Variants in SEC62 observed in about 807,000 individuals in gnomAD.
The protein encoded by SEC62 is SEC62 preprotein translocation factor, also known as translocation protein SEC62.
A neutral mutation model predicts 47.5 loss-of-function variants in SEC62; 10 were observed. That is an observed-to-expected ratio of 0.21 (90% CI 0.13 to 0.36). SEC62 has a LOEUF of 0.36. SEC62 is among the 10% of genes least tolerant of loss of function. The pLI is 1.00. For missense variants in SEC62, 327 were observed against 464.1 expected, an observed-to-expected ratio of 0.70 and a Z score of 2.71; for synonymous variants, 136 against 150.5, an observed-to-expected ratio of 0.90 and a Z score of 0.71.
intron 1 of SEC62, among the ~76,000 whole-genome samples, chr3:169,975,223 G>C (rs923254776): frequency 6.7e-6 from 1 of 149,486 alleles, no homozygotes; most frequent in African/African-American, 2.5e-5. Context: ...AGAGGTTGCA[G>C]TGAGCCGAGA....
intron 1 of SEC62, 63 bp from the exon 2 acceptor site, chr3:169,975,545 A>G: frequency 9.6e-7 from 1 of 1,045,426 alleles, no homozygotes; most frequent in Non-Finnish European, 1.5e-6. Context: ...TTTGTAAATT[A>G]TTATTCAGCG....
chr3:169,988,926 A>G (rs944175718), intron 7 of SEC62, among the ~76,000 whole-genome samples: 2 of 152,146 alleles, frequency 1.3e-5, no homozygotes, highest in African/African-American at 4.8e-5. Flanking sequence ...TAATCTATGC[A>G]TATATTTAAT....
intron 1 of SEC62, among the ~76,000 whole-genome samples, chr3:169,974,904 C>T (rs1353517296): frequency 1.3e-5 from 2 of 152,112 alleles, no homozygotes; most frequent in Non-Finnish European, 2.9e-5. Context: ...TTATTTATGA[C>T]ACTTGTTTCT....
intron 1 of SEC62, among the ~76,000 whole-genome samples, chr3:169,972,580 CTTTTTTTT>C (rs11391826): frequency 8.7e-6 from 1 of 114,960 alleles, no homozygotes; most frequent in African/African-American, 3.3e-5. Context: ...CTTTTTCTAT[CTTTTTTTT>C]TTTTTTTTTT....
In SEC62 at chr3:169,994,970, T is replaced by G. The variant is rs940871757; in HGVS notation, c.*1907T>G. 6.6e-6 allele frequency: 1 copy of G among 152,146 alleles called. No individual in the cohort carries two copies. The highest frequency in any genetic ancestry group is 1.5e-5 in the Non-Finnish European group (1 of 67,994). 9.4% of individuals were successfully genotyped at this position (152,146 alleles called of 1,614,324 possible). A position where few individuals can be genotyped will look rare whatever the true frequency, so the allele number is the denominator to read the frequency against. ...ATTTTTATAAATATTTGGTGATCCC[T>G]GGGGGGAAATATCATTCTTACTATG... On this transcript the variant is annotated 3_prime_UTR_variant, in exon 8 of 8. Coordinates refer to ENST00000337002, the MANE Select transcript of SEC62 (RefSeq NM_003262.4).
rs1715362365 is a variant in SEC62 at position 169,995,883 on chromosome 3, C to T, written c.*2820C>T. 2 of 152,118 alleles carry T rather than the reference C, an allele frequency of 1.3e-5. No individual in the cohort carries two copies. The highest frequency in any genetic ancestry group is 4.8e-5 in the African/African-American group (2 of 41,416). 9.4% of individuals were successfully genotyped at this position (152,118 alleles called of 1,614,324 possible). On this transcript the variant is annotated 3_prime_UTR_variant, in exon 8 of 8. Transcript: ENST00000337002. ...GAAGTCATGACCAACAACACTGTAACTCATGCCTGAATGAAGCTTATCTGA... is the reference window on the plus strand; with the variant it reads ...GAAGTCATGACCAACAACACTGTAATTCATGCCTGAATGAAGCTTATCTGA...
In SEC62 at chr3:169,966,853, A is replaced by G. The variant is rs1461540335; in HGVS notation, c.31A>G (p.Ile11Val). ...GGAACGCAGGAGACACAAGAAGCGG[A>G]TCCAGGTAGCAAAGCCGAGCTCTGG... is the stretch of plus-strand genomic sequence containing the variant. MAERRRHKKRIQEVGEPSKEE... is the reference protein window; with the variant it reads MAERRRHKKRVQEVGEPSKEE... Residue 11 changes from isoleucine to valine, a missense_variant, in exon 1 of 8, where the codon ATC (isoleucine) becomes GTC (valine). Transcript: ENST00000337002. 1.5e-5 allele frequency: 23 copies of G among 1,556,236 alleles called. No individual in the cohort carries two copies. Among genetic ancestry groups the G allele is most frequent in the Non-Finnish European group, 1.8e-5 (21 of 1,149,804 alleles).
chr3:169,990,473 C>T (rs1715219539), intron 7 of SEC62, among the ~76,000 whole-genome samples: 1 of 152,038 alleles, frequency 6.6e-6, no homozygotes, highest in African/African-American at 2.4e-5. Context: ...TCTCGGTAAT[C>T]TAGTGCCACA....
At chr3:169,986,605 A>G (rs1177069463) in intron 6 of SEC62, among the ~76,000 whole-genome samples, 1 of 152,226 alleles carries the variant, frequency 6.6e-6, no homozygotes, top group Non-Finnish European at 1.5e-5. Context: ...TTATTTAGAA[A>G]AAAAGTCCCT....
rs375361393 is a variant in SEC62, at chr3:169,988,372, A to G, written c.730+13A>G. On this transcript the variant is annotated intron_variant, in intron 7 of 7. Coordinates refer to ENST00000337002, the MANE Select transcript of SEC62 (RefSeq NM_003262.4). ...CTCCTTGCTGTTGGTAAGTATTGTT[A>G]TTATAAAATTGACCTCAAGAAGGTT... is the stretch of plus-strand genomic sequence containing the variant. 6.0e-5 allele frequency: 97 copies of G among 1,612,774 alleles called. No individual in the cohort carries two copies. Among genetic ancestry groups the G allele is most frequent in the Non-Finnish European group, 7.8e-5 (92 of 1,179,176 alleles).
At chr3:169,983,360 C>A in intron 5 of SEC62, 107 bp downstream of exon 5, 1 of 563,892 alleles carries the variant, frequency 1.8e-6, no homozygotes. Context: ...TCTAATTATG[C>A]TCTTAAATGT....
In SEC62 at chr3:169,977,028, G is replaced by A. The variant is rs1714853241; in HGVS notation, c.228G>A (p.Glu76=). Residue 76 remains glutamate, a synonymous_variant, in exon 3 of 8, where the codon GAG becomes GAA. Transcript: ENST00000337002. ...AGGAAGCTTTATTTACAACCAGGGA[G>A]TCTGTGGTTGACTACTGCAACAGGT... The part of the protein sequence containing the change: ...KGEEALFTTR[E]SVVDYCNRLL... The A allele has an allele frequency of 6.2e-7, 1 of 1,609,814 alleles. No homozygotes were observed. Among genetic ancestry groups the A allele is most frequent in the Non-Finnish European group, 8.5e-7 (1 of 1,177,108 alleles).
intron 1 of SEC62, among the ~76,000 whole-genome samples, chr3:169,970,185 G>A (rs1347757866): frequency 2.6e-5 from 4 of 152,178 alleles, no homozygotes; most frequent in Non-Finnish European, 1.5e-5. Flanking sequence ...GGGAGTTGGA[G>A]CTATTACAGA....
chr3:169,994,309 CTAA>C lies in SEC62; in HGVS notation c.*1251_*1253del, dbSNP rs1559969031. The C allele has an allele frequency of 6.6e-6, 1 of 152,576 alleles. No individual in the cohort carries two copies. The highest frequency in any genetic ancestry group is 1.5e-5 in the Non-Finnish European group (1 of 68,018). 9.5% of individuals were successfully genotyped at this position (152,576 alleles called of 1,614,324 possible). ...TAATCATTCCTTGGAGTTATACTAA[CTAA>C]TAATGAATATTAAATGATTTTTCTT... On this transcript the variant is annotated 3_prime_UTR_variant, in exon 8 of 8. Coordinates refer to ENST00000337002, the MANE Select transcript of SEC62 (RefSeq NM_003262.4).
chr3:169,971,309 A>G (rs990549565), intron 1 of SEC62, among the ~76,000 whole-genome samples: 2 of 152,084 alleles, frequency 1.3e-5, no homozygotes, highest in African/African-American at 4.8e-5. Flanking sequence ...TCCTGGTCTC[A>G]TGCGATCCAC....
chr3:169,993,003 A>G lies in SEC62; in HGVS notation c.1140A>G (p.Glu380=). Residue 380 remains glutamate (E), a synonymous_variant, in exon 8 of 8, where the codon GAA becomes GAG. Transcript: ENST00000337002. The part of the protein sequence containing the change: ...ELEQQTDGDC[E]EDEEEENDGE... ...AACAGCAAACAGATGGGGATTGTGA[A>G]GAGGATGAGGAAGAGGAAAATGATG... The G allele has an allele frequency of 1.9e-6, 3 of 1,613,686 alleles. No individual in the cohort carries two copies. The highest frequency in any genetic ancestry group is 2.5e-6 in the Non-Finnish European group (3 of 1,179,760).
chr3:169,972,569 C>T (rs1391275373), intron 1 of SEC62, among the ~76,000 whole-genome samples: 4 of 143,554 alleles, frequency 2.8e-5, no homozygotes, highest in African/African-American at 1.0e-4. Context: ...ATGTGTAGCA[C>T]CTTTTTCTAT....
chr3:169,973,233 A>C (rs1714744093), intron 1 of SEC62, among the ~76,000 whole-genome samples: 1 of 152,194 alleles, frequency 6.6e-6, no homozygotes, highest in African/African-American at 2.4e-5. Context: ...TGGTTTCAAA[A>C]ATTTTAATTA....
At position 169,997,108 on chromosome 3, in the gene SEC62, T is replaced by G. The variant is rs1418457584; in HGVS notation, c.*4045T>G. 6 of 152,236 alleles carry G rather than the reference T, an allele frequency of 3.9e-5. No homozygotes were observed. Among genetic ancestry groups the G allele is most frequent in the African/African-American group, 9.6e-5 (4 of 41,470 alleles). 9.4% of individuals were successfully genotyped at this position (152,236 alleles called of 1,614,324 possible). ...ACAAGGAGATTAATTTAAATTTGCC[T>G]TCTTTGGCAAGCCCTTAAACCAATG... On this transcript the variant is annotated 3_prime_UTR_variant, in exon 8 of 8. Coordinates refer to ENST00000337002, the MANE Select transcript of SEC62 (RefSeq NM_003262.4).
Sources: gnomAD v4.1 joint callset for allele counts (sites outside exome capture counted in the v4.1 genomes callset) on GRCh38, gnomAD v4.1.1 for gene constraint, MANE v1.5 for transcripts, NCBI Gene and HGNC (gene_info 2026-07-23, HGNC 2026-07-21) for gene names.